The following PTPRM variants were observed in gnomAD, a reference collection of about 807,000 sequenced individuals.
PTPRM encodes the protein protein tyrosine phosphatase receptor type M.
PTPRM carries 47 observed loss-of-function variants against 186.7 expected under a neutral mutation model. That is an observed-to-expected ratio of 0.25 (90% CI 0.20 to 0.32). PTPRM has a LOEUF of 0.32. Ranked by LOEUF, PTPRM falls within the 10% of genes least tolerant of loss-of-function variation. The probability of loss-of-function intolerance (pLI) is 1.00; values close to 1 mark genes in which losing one functional copy is unlikely to be tolerated. For missense variants in PTPRM, 1,494 were observed against 1,865.0 expected (o/e 0.80, Z 3.66); for synonymous variants, 668 against 674.9 (o/e 0.99, Z 0.16).
chr18:7,720,919 A>G (rs763397249), intron 1 of PTPRM, among the ~76,000 whole-genome samples: 15 of 152,096 alleles, frequency 9.9e-5, no homozygotes, highest in Non-Finnish European at 2.2e-4. Flanking sequence ...GCTGTGATGA[A>G]TGATTCTGCA....
intron 1 of PTPRM, among the ~76,000 whole-genome samples, chr18:7,675,380 C>T (rs1375037212): frequency 2.0e-5 from 3 of 152,076 alleles, no homozygotes; most frequent in African/African-American, 2.4e-5. Context: ...GAATAACATC[C>T]GCTGTGCGAG....
intron 14 of PTPRM, among the ~76,000 whole-genome samples, chr18:8,191,591 T>C (rs2093710437): frequency 6.6e-6 from 1 of 152,166 alleles, no homozygotes; most frequent in Non-Finnish European, 1.5e-5. Flanking sequence ...TGTGTATGTC[T>C]GTCACCTGTG....
At chr18:7,627,667 G>A (rs182829319) in intron 1 of PTPRM, among the ~76,000 whole-genome samples, 2 of 152,128 alleles carry the variant, frequency 1.3e-5, no homozygotes, top group Admixed American at 6.5e-5. Flanking sequence ...AAAATTCGGC[G>A]GGCACCAGAG....
At chr18:7,842,516 C>T (rs1352833504) in intron 2 of PTPRM, among the ~76,000 whole-genome samples, 1 of 152,060 alleles carries the variant, frequency 6.6e-6, no homozygotes, top group Non-Finnish European at 1.5e-5. Flanking sequence ...ATGAGATTAA[C>T]CATTTAAATC....
chr18:8,229,018 G>A (rs3935752), intron 14 of PTPRM, among the ~76,000 whole-genome samples: 80,266 of 151,854 alleles, frequency 0.53, 21,689 homozygotes, highest in Middle Eastern at 0.74. Context: ...GCCCTGAGCT[G>A]GAACCTTCAG....
intron 23 of PTPRM, among the ~76,000 whole-genome samples, chr18:8,365,418 A>G (rs1343611045): frequency 1.3e-5 from 2 of 152,226 alleles, no homozygotes; most frequent in African/African-American, 4.8e-5. Context: ...CAGATGTCAG[A>G]ATGCAGCCAT....
chr18:8,114,694 CT>C, intron 12 of PTPRM, 96 bp from the exon 13 acceptor site: 1 of 958,632 alleles, frequency 1.0e-6, no homozygotes, highest in South Asian at 1.5e-5. Context: ...CAGTGAGATC[CT>C]TCCTTATCAG....
chr18:7,586,844 G>C (rs1051688559), intron 1 of PTPRM, among the ~76,000 whole-genome samples: 17 of 152,036 alleles, frequency 1.1e-4, no homozygotes, highest in Admixed American at 3.9e-4. Context: ...ATCTTTTAAA[G>C]GTATCCATTG....
intron 1 of PTPRM, among the ~76,000 whole-genome samples, chr18:7,589,208 G>A (rs1049257098): frequency 3.3e-5 from 5 of 152,172 alleles, no homozygotes; most frequent in Admixed American, 1.3e-4. Context: ...GCCCTCCAGC[G>A]AATGTCTGTT....
intron 7 of PTPRM, 101 bp downstream of exon 7, chr18:7,955,515 A>G (rs1008705526): frequency 6.6e-6 from 9 of 1,367,134 alleles, no homozygotes; most frequent in African/African-American, 4.3e-5. Context: ...CCCTAGCTCT[A>G]TCAAAACCTG....
At chr18:8,294,863 G>C (rs957933314) in intron 19 of PTPRM, among the ~76,000 whole-genome samples, 2 of 152,060 alleles carry the variant, frequency 1.3e-5, no homozygotes, top group African/African-American at 4.8e-5. Context: ...TGTTTTATTG[G>C]GTGGATGTAC....
intron 1 of PTPRM, among the ~76,000 whole-genome samples, chr18:7,678,912 G>A (rs551502423): frequency 2.6e-5 from 4 of 152,298 alleles, no homozygotes; most frequent in Admixed American, 6.5e-5. Context: ...TATGCTGAGA[G>A]TGGGATTTCT....
chr18:8,146,028 T>A (rs367937418), intron 14 of PTPRM, among the ~76,000 whole-genome samples: 3 of 143,030 alleles, frequency 2.1e-5, no homozygotes, highest in Non-Finnish European at 4.6e-5. Context: ...TTCTTTTCTT[T>A]TTTTTTTTTT....
intron 1 of PTPRM, among the ~76,000 whole-genome samples, chr18:7,677,115 T>A (rs1185728139): frequency 6.6e-6 from 1 of 152,226 alleles, no homozygotes; most frequent in African/African-American, 2.4e-5. Context: ...TTTTCTCATC[T>A]TAAAATCTTT....
intron 6 of PTPRM, among the ~76,000 whole-genome samples, chr18:7,949,868 T>C (rs2052817761): frequency 6.6e-6 from 1 of 152,200 alleles, no homozygotes; most frequent in East Asian, 1.9e-4. Flanking sequence ...TGAGTCATTA[T>C]ATTTAAGAAG....
At chr18:8,257,716 C>G (rs1469754550) in intron 19 of PTPRM, among the ~76,000 whole-genome samples, 1 of 152,156 alleles carries the variant, frequency 6.6e-6, no homozygotes, top group Non-Finnish European at 1.5e-5. Context: ...TGTAATCATC[C>G]CATCGGCCTT....
Position 8,375,646 on chromosome 18 carries a change from T to G in PTPRM, c.3172-400T>G, listed in dbSNP as rs76077145. Among the ~76,000 whole-genome samples the G allele has an allele frequency of 1.1e-4, 16 of 152,324 alleles. No homozygotes were observed. In the East Asian group the frequency reaches 2.7e-3, roughly 26 times the overall value. On this transcript the variant is annotated intron_variant, in intron 24 of 32. Coordinates refer to ENST00000580170, the MANE Select transcript of PTPRM (RefSeq NM_001105244.2). ...GTTGGTATTGAGCACACAGACATCCTTTAATTTCTTCAGGCCCCTCTTCTG... is the reference window on the plus strand; with the variant it reads ...GTTGGTATTGAGCACACAGACATCCGTTAATTTCTTCAGGCCCCTCTTCTG...
chr18:8,022,548 C>T (rs910918640), intron 7 of PTPRM, among the ~76,000 whole-genome samples: 14 of 152,202 alleles, frequency 9.2e-5, no homozygotes, highest in South Asian at 2.1e-4. Flanking sequence ...ATCACTCAGA[C>T]ACAGTCACCT....
Position 8,376,576 on chromosome 18 carries a change from G to T in PTPRM, c.3441G>T (p.Arg1147Ser). The T allele has an allele frequency of 6.2e-7, 1 of 1,613,528 alleles. No individual in the cohort carries two copies. The highest frequency in any genetic ancestry group is 8.5e-7 in the Non-Finnish European group (1 of 1,179,898). The change falls in exon 26 of 33, where the codon AGG (arginine) becomes AGT (serine). Residue 1147 changes from arginine to serine, a missense_variant. Coordinates refer to ENST00000580170, the MANE Select transcript of PTPRM (RefSeq NM_001105244.2). Reference sequence around the variant, plus strand: ...GCGTCAGGGAGCTGCGGTCACGGAGGGTGAACATGGTGCAAACAGAGGTAC... The same window carrying T: ...GCGTCAGGGAGCTGCGGTCACGGAGTGTGAACATGGTGCAAACAGAGGTAC... The part of the protein sequence containing the change: ...YNCVRELRSR[R>S]VNMVQTEEQY...
Sources: gnomAD v4.1 joint callset for allele counts (sites outside exome capture counted in the v4.1 genomes callset) on GRCh38, gnomAD v4.1.1 for gene constraint, MANE v1.5 for transcripts, NCBI Gene and HGNC (gene_info 2026-07-23, HGNC 2026-07-21) for gene names.